MAP7D3: variants seen among roughly 807,000 people sequenced by gnomAD.
MAP7D3 encodes MAP7 domain-containing protein 3.
In MAP7D3, 45 loss-of-function variants were observed where a neutral mutation model predicts 62.2. That is an observed-to-expected ratio of 0.72 (90% CI 0.57 to 0.93). MAP7D3 has a LOEUF of 0.93. MAP7D3 is among the 40% of genes least tolerant of loss of function. The pLI is 0.00. For synonymous variants in MAP7D3, 288 were observed against 248.8 expected, an observed-to-expected ratio of 1.16 and a Z score of -1.48; for missense variants, 711 against 683.1, an observed-to-expected ratio of 1.04 and a Z score of -0.45.
At chrX:136,236,660 T>C (rs982777394) in intron 6 of MAP7D3, among the ~76,000 whole-genome samples, 2 of 112,060 alleles carry the variant, frequency 1.8e-5, no homozygotes, top group Admixed American at 1.9e-4. Flanking sequence ...TAGTTATAAC[T>C]AGTATTTTTG....
In MAP7D3 at chrX:136,251,271, AGCCACCC is replaced by A; in HGVS notation, c.70+11_70+17del. ...CACGCGGGCCCGAACCACCCCCGGG[AGCCACCC>A]GCCCGCTCACCCATCCGTGCCCGCA... On this transcript the variant is annotated intron_variant, in intron 1 of 18. Transcript: ENST00000316077. 9 of 1,125,322 alleles carry A rather than the reference AGCCACCC, an allele frequency of 8.0e-6. No homozygotes were observed. The highest frequency in any genetic ancestry group is 9.3e-6 in the Non-Finnish European group (8 of 856,115). 92.7% of individuals were successfully genotyped at this position (1,125,322 alleles called of 1,213,427 possible). A position where few individuals can be genotyped will look rare whatever the true frequency, so the allele number is the denominator to read the frequency against.
chrX:136,244,860 A>G (rs907713865), intron 3 of MAP7D3, 65 bp from the exon 4 acceptor site: 17 of 834,412 alleles, frequency 2.0e-5, no homozygotes, highest in Non-Finnish European at 2.5e-5. Flanking sequence ...TTTCCACATT[A>G]CACACACAGA....
upstream of MAP7D3, among the ~76,000 whole-genome samples, chrX:136,253,805 T>C (rs980663518): frequency 1.8e-5 from 2 of 111,087 alleles, no homozygotes; most frequent in African/African-American, 6.6e-5. Context: ...TGGCCCAACA[T>C]GGCGAAACAC....
intron 12 of MAP7D3, 97 bp from the exon 13 acceptor site, chrX:136,226,110 T>C (rs1348541601): frequency 4.6e-5 from 26 of 559,582 alleles, no homozygotes; most frequent in East Asian, 3.8e-4. Flanking sequence ...TGTTATCTAG[T>C]ATAACAAAAG....
At chrX:136,222,329 G>T in intron 15 of MAP7D3, 64 bp downstream of exon 15, 1 of 895,108 alleles carries the variant, frequency 1.1e-6, no homozygotes, top group Non-Finnish European at 1.6e-6. Flanking sequence ...AAGCCACACA[G>T]CTCAAAAGCA....
Position 136,240,404 on chromosome X carries a change from G to T in MAP7D3, c.618C>A (p.Gly206=). Residue 206 remains glycine (G), a synonymous_variant, in exon 6 of 19, where the codon GGC becomes GGA. Coordinates refer to ENST00000316077, the MANE Select transcript of MAP7D3 (RefSeq NM_024597.4). Reference sequence around the variant, plus strand: ...TACTTTTGGCAACGGAATTTTGAAGGCCTGCAGATGACAAAGGCATTTGTC... The same window carrying T: ...TACTTTTGGCAACGGAATTTTGAAGTCCTGCAGATGACAAAGGCATTTGTC... ...LIRQMPLSSA[G]LQNSVAKRKT... 1.7e-6 allele frequency: 2 copies of T among 1,198,343 alleles called. No homozygotes were observed. Among genetic ancestry groups the T allele is most frequent in the Non-Finnish European group, 2.3e-6 (2 of 883,935 alleles).
chrX:136,238,103 A>G (rs1178751794), intron 6 of MAP7D3, among the ~76,000 whole-genome samples: 2 of 111,388 alleles, frequency 1.8e-5, no homozygotes, highest in African/African-American at 3.3e-5. Flanking sequence ...TATGTGCCAC[A>G]TTTTCTTAAT....
At position 136,226,123 on chromosome X, in the gene MAP7D3, T is replaced by C. The variant is rs1372126486; in HGVS notation, c.2035-110A>G. On this transcript the variant is annotated intron_variant, in intron 12 of 18. Coordinates refer to ENST00000316077, the MANE Select transcript of MAP7D3 (RefSeq NM_024597.4). ...AATGTTATCTAGTATAACAAAAGAG[T>C]GTAACCTTTTGAATGAGGGTTCCTA... 59 of 496,882 alleles carry C rather than the reference T, an allele frequency of 1.2e-4. 1 individual carries two copies. The East Asian group carries it at 2.1e-3, about 18-fold the overall frequency. 40.9% of individuals were successfully genotyped at this position (496,882 alleles called of 1,213,427 possible). A position where few individuals can be genotyped will look rare whatever the true frequency, so the allele number is the denominator to read the frequency against.
chrX:136,228,598 A>G, intron 11 of MAP7D3, 25 bp downstream of exon 11: 1 of 1,190,015 alleles, frequency 8.4e-7, no homozygotes, highest in South Asian at 1.9e-5. Context: ...GATTTATAGT[A>G]TAGGAAGGAA....
Position 136,226,027 on chromosome X carries a change from A to C in MAP7D3, c.2035-14T>G. ...GGCGTCCCCTTTCTAGGAAATTTGC[A>C]TAAAAATATCATTCAATCTCAAGAT... On this transcript the variant is annotated splice_polypyrimidine_tract_variant and intron_variant, in intron 12 of 18. Coordinates refer to ENST00000316077, the MANE Select transcript of MAP7D3 (RefSeq NM_024597.4). 9.0e-7 allele frequency: 1 copy of C among 1,106,187 alleles called. No homozygotes were observed. The highest frequency in any genetic ancestry group is 1.9e-5 in the South Asian group (1 of 51,463). 91.2% of individuals were successfully genotyped at this position (1,106,187 alleles called of 1,213,427 possible). A position where few individuals can be genotyped will look rare whatever the true frequency, so the allele number is the denominator to read the frequency against.
chrX:136,236,699 T>C (rs1449900233), intron 6 of MAP7D3, among the ~76,000 whole-genome samples: 1 of 112,217 alleles, frequency 8.9e-6, no homozygotes, highest in Non-Finnish European at 1.9e-5. Flanking sequence ...AAAAAAGATA[T>C]ATACGTATAC....
At chrX:136,229,993 A>ATATATATATATATTT (rs1210531192) in intron 10 of MAP7D3, among the ~76,000 whole-genome samples, 1 of 48,124 alleles carries the variant, frequency 2.1e-5, no homozygotes, top group African/African-American at 9.4e-5. Context: ...ATATATATAT[A>ATATATATATATATTT]TTTTTTTTTT....
intron 7 of MAP7D3, among the ~76,000 whole-genome samples, chrX:136,234,492 A>G (rs1324667917): frequency 8.9e-6 from 1 of 112,322 alleles, no homozygotes; most frequent in African/African-American, 3.2e-5. Context: ...AAAATTTAAC[A>G]AACACCTTCA....
intron 18 of MAP7D3, 114 bp downstream of exon 18, chrX:136,219,281 TCTC>T: frequency 4.5e-6 from 2 of 447,584 alleles, no homozygotes; most frequent in Non-Finnish European, 7.8e-6. Flanking sequence ...ACAACTGTCT[TCTC>T]CTTCTCTTCC....
intron 1 of MAP7D3, among the ~76,000 whole-genome samples, chrX:136,247,464 G>A (rs192553459): frequency 1.8e-5 from 2 of 111,554 alleles, no homozygotes; most frequent in African/African-American, 6.5e-5. Context: ...AAGTAACTGA[G>A]GGAATAGAGG....
chrX:136,254,933 C>T (rs201673264), upstream of MAP7D3, among the ~76,000 whole-genome samples: 3 of 97,478 alleles, frequency 3.1e-5, no homozygotes, highest in Non-Finnish European at 6.4e-5. Context: ...ACAAAAAAAA[C>T]GGCTGGGTGC....
downstream of MAP7D3, among the ~76,000 whole-genome samples, chrX:136,216,138 C>T (rs757627493): frequency 4.6e-5 from 5 of 109,662 alleles, no homozygotes; most frequent in African/African-American, 1.7e-4. Context: ...TCAAAAGATA[C>T]TGCAGTAATA....
At chrX:136,247,185 A>T (rs2074457013) in intron 1 of MAP7D3, among the ~76,000 whole-genome samples, 1 of 112,587 alleles carries the variant, frequency 8.9e-6, no homozygotes, top group African/African-American at 3.2e-5. Flanking sequence ...AGGAAAGCAC[A>T]GTATGAGGAA....
At chrX:136,215,622 AACC>A (rs2074056520), downstream of MAP7D3, among the ~76,000 whole-genome samples, 1 of 111,985 alleles carries the variant, frequency 8.9e-6, no homozygotes, top group Non-Finnish European at 1.9e-5. Context: ...GTCATCCTAA[AACC>A]ACCACACCAT....
Sources: gnomAD v4.1 joint callset for allele counts (sites outside exome capture counted in the v4.1 genomes callset) on GRCh38, gnomAD v4.1.1 for gene constraint, MANE v1.5 for transcripts, NCBI Gene and HGNC (gene_info 2026-07-23, HGNC 2026-07-21) for gene names.